The following SAMD5 variants were observed in gnomAD, a reference collection of about 807,000 sequenced individuals.
SAMD5 encodes the protein sterile alpha motif domain-containing protein 5.
In SAMD5, 13 loss-of-function variants were observed where a neutral mutation model predicts 11.3. The ratio of observed to expected loss-of-function variants is 1.15; its 90% CI spans 0.75 to 1.83. The LOEUF (loss-of-function observed/expected upper bound fraction) is 1.83. Ranked by LOEUF, SAMD5 falls within the 40% of genes most tolerant of loss-of-function variation. SAMD5 has a pLI of 0.00. For missense variants in SAMD5, 255 were observed against 239.1 expected (o/e 1.07, Z -0.44); for synonymous variants, 129 against 111.3 (o/e 1.16, Z -1.00).
chr6:147,954,236 T>TAAAATA, the SAMD5 span, among the ~76,000 whole-genome samples: 1 of 152,198 alleles, frequency 6.6e-6, no homozygotes, highest in African/African-American at 2.4e-5. Context: ...ATTTAGTAAG[T>TAAAATA]AAAATAATCT....
At chr6:147,513,799 G>A (rs1030407070) in intron 1 of SAMD5, among the ~76,000 whole-genome samples, 2 of 152,162 alleles carry the variant, frequency 1.3e-5, no homozygotes, top group African/African-American at 2.4e-5. Context: ...AAGCAGTGAT[G>A]TTTCAAGGAG....
chr6:147,788,812 G>A, the SAMD5 span, among the ~76,000 whole-genome samples: 4,664 of 152,236 alleles, frequency 0.031, 101 homozygotes, highest in Middle Eastern at 0.051. Context: ...GGACGGATGC[G>A]GTGGCTCATG....
chr6:147,691,081 C>T (rs373576424), intron 1 of SAMD5, among the ~76,000 whole-genome samples: 3 of 151,996 alleles, frequency 2.0e-5, no homozygotes, highest in African/African-American at 7.2e-5. Flanking sequence ...TGCAACACCC[C>T]CCTCCCGAGT....
chr6:147,580,190 A>C (rs575264142), intron 1 of SAMD5, among the ~76,000 whole-genome samples: 1 of 152,324 alleles, frequency 6.6e-6, no homozygotes, highest in South Asian at 2.1e-4. Flanking sequence ...CAGCACTGAC[A>C]ACTGCTGCTC....
the SAMD5 span, among the ~76,000 whole-genome samples, chr6:147,932,392 A>G: frequency 1.3e-5 from 2 of 152,098 alleles, no homozygotes; most frequent in Admixed American, 6.6e-5. Flanking sequence ...AGCGGACTTA[A>G]TGTACTCAGA....
chr6:147,704,929 GCAT>G (rs1791305237), intron 1 of SAMD5, among the ~76,000 whole-genome samples: 1 of 152,184 alleles, frequency 6.6e-6, no homozygotes, highest in Non-Finnish European at 1.5e-5. Flanking sequence ...TCCCCAGGGG[GCAT>G]CTGGTATGAA....
At chr6:147,848,943 TG>T in the SAMD5 span, among the ~76,000 whole-genome samples, 4,554 of 152,268 alleles carry the variant, frequency 0.03, 75 homozygotes, top group Middle Eastern at 0.048. Flanking sequence ...GCTCAGGGAC[TG>T]GCAAACTTTT....
chr6:147,627,256 G>A (rs572870409), intron 1 of SAMD5, among the ~76,000 whole-genome samples: 7 of 152,156 alleles, frequency 4.6e-5, no homozygotes. Flanking sequence ...AAATATTTAA[G>A]AGAGCACCTC....
At chr6:147,785,393 A>G in the SAMD5 span, among the ~76,000 whole-genome samples, 1 of 152,080 alleles carries the variant, frequency 6.6e-6, no homozygotes. Context: ...CTTGGCTTAG[A>G]TCACCTTTGG....
chr6:147,694,505 T>C (rs1299448115), intron 1 of SAMD5, among the ~76,000 whole-genome samples: 1 of 152,158 alleles, frequency 6.6e-6, no homozygotes, highest in African/African-American at 2.4e-5. Flanking sequence ...ATTCTACTGG[T>C]GAAAATAATA....
chr6:147,690,068 G>A (rs1289520559), intron 1 of SAMD5, among the ~76,000 whole-genome samples: 1 of 152,138 alleles, frequency 6.6e-6, no homozygotes, highest in Non-Finnish European at 1.5e-5. Context: ...GTAAAAAACA[G>A]TGCAATTTTG....
chr6:147,659,122 G>C (rs1790611128), intron 1 of SAMD5, among the ~76,000 whole-genome samples: 2 of 152,184 alleles, frequency 1.3e-5, no homozygotes, highest in South Asian at 4.1e-4. Context: ...ATTTAGACCA[G>C]TGTGTTCTTA....
chr6:147,714,169 A>G (rs1791435527), intron 1 of SAMD5, among the ~76,000 whole-genome samples: 1 of 152,198 alleles, frequency 6.6e-6, no homozygotes. Flanking sequence ...CTAGGAGCCA[A>G]TTGACAGATA....
At chr6:147,538,632 C>T (rs1030803215) in intron 1 of SAMD5, among the ~76,000 whole-genome samples, 3 of 152,240 alleles carry the variant, frequency 2.0e-5, no homozygotes, top group African/African-American at 7.2e-5. Flanking sequence ...CATAGCTCTT[C>T]GTATGTCCCC....
At chr6:147,791,210 G>T in the SAMD5 span, among the ~76,000 whole-genome samples, 1 of 152,010 alleles carries the variant, frequency 6.6e-6, no homozygotes, top group South Asian at 2.1e-4. Flanking sequence ...CAGGAAAATC[G>T]CTTGAACCCG....
chr6:147,829,299 C>T, the SAMD5 span, among the ~76,000 whole-genome samples: 1 of 152,272 alleles, frequency 6.6e-6, no homozygotes, highest in Middle Eastern at 3.4e-3. Context: ...CCTGAGAATG[C>T]GAGGAGAAGC....
the SAMD5 span, among the ~76,000 whole-genome samples, chr6:147,848,072 T>C: frequency 6.6e-6 from 1 of 152,184 alleles, no homozygotes; most frequent in African/African-American, 2.4e-5. Flanking sequence ...ATGTCCAAAA[T>C]ATTGTTTCCA....
the SAMD5 span, among the ~76,000 whole-genome samples, chr6:147,746,032 A>G: frequency 6.6e-6 from 1 of 152,054 alleles, no homozygotes; most frequent in Non-Finnish European, 1.5e-5. Flanking sequence ...GTGAGCCACC[A>G]TATCCAGCCA....
intron 1 of SAMD5, among the ~76,000 whole-genome samples, chr6:147,675,206 C>T (rs1243071557): frequency 2.6e-5 from 4 of 152,190 alleles, no homozygotes; most frequent in Admixed American, 6.5e-5. Context: ...GCATCAAACA[C>T]CCATTTTCTC....
Sources: gnomAD v4.1 joint callset for allele counts (sites outside exome capture counted in the v4.1 genomes callset) on GRCh38, gnomAD v4.1.1 for gene constraint, MANE v1.5 for transcripts, NCBI Gene and HGNC (gene_info 2026-07-23, HGNC 2026-07-21) for gene names.